Variants in IMMP2L observed in about 807,000 individuals in gnomAD.
IMMP2L encodes inner mitochondrial membrane peptidase subunit 2.
A neutral mutation model predicts 19.3 loss-of-function variants in IMMP2L; 18 were observed. That is an observed-to-expected ratio of 0.93 (90% confidence interval 0.64 to 1.38). IMMP2L has a LOEUF of 1.38. Among genes scored for constraint, IMMP2L ranks in the 40% most tolerant of loss-of-function variants. The pLI is 0.00. For synonymous variants in IMMP2L, 76 were observed against 73.0 expected, an observed-to-expected ratio of 1.04 and a Z score of -0.21; for missense variants, 233 against 218.2, an observed-to-expected ratio of 1.07 and a Z score of -0.43.
intron 5 of IMMP2L, among the ~76,000 whole-genome samples, chr7:110,785,774 C>T (rs1234545704): frequency 6.6e-6 from 1 of 151,906 alleles, no homozygotes; most frequent in Non-Finnish European, 1.5e-5. Context: ...ATAATTATTA[C>T]AAGTAAAAAC....
At chr7:110,800,685 TCA>T (rs1801176942) in intron 5 of IMMP2L, among the ~76,000 whole-genome samples, 1 of 152,112 alleles carries the variant, frequency 6.6e-6, no homozygotes, top group Non-Finnish European at 1.5e-5. Flanking sequence ...AAATATATTA[TCA>T]CAGCATTTTT....
At chr7:110,671,909 C>G (rs1430823310) in intron 5 of IMMP2L, among the ~76,000 whole-genome samples, 1 of 152,046 alleles carries the variant, frequency 6.6e-6, no homozygotes, top group Non-Finnish European at 1.5e-5. Context: ...GGCACTTCTA[C>G]CATGTGAGGG....
intron 3 of IMMP2L, among the ~76,000 whole-genome samples, chr7:111,282,338 C>A (rs1013450704): frequency 6.6e-6 from 1 of 152,120 alleles, no homozygotes. Context: ...AATGGAAATT[C>A]GGTAAGAAAG....
intron 1 of IMMP2L, among the ~76,000 whole-genome samples, chr7:111,532,774 C>CA (rs1266200036): frequency 6.6e-6 from 1 of 152,086 alleles, no homozygotes; most frequent in Non-Finnish European, 1.5e-5. Flanking sequence ...ATTAGTCTGT[C>CA]AAAAATAAAA....
chr7:111,461,410 G>A (rs948160936), intron 3 of IMMP2L, among the ~76,000 whole-genome samples: 4 of 151,294 alleles, frequency 2.6e-5, no homozygotes, highest in African/African-American at 9.7e-5. Context: ...ACACATACAC[G>A]CACACGCACA....
At chr7:110,866,248 T>C (rs1191302487) in intron 5 of IMMP2L, among the ~76,000 whole-genome samples, 1 of 151,936 alleles carries the variant, frequency 6.6e-6, no homozygotes, top group Non-Finnish European at 1.5e-5. Flanking sequence ...ACTACCAATT[T>C]CAGCACGAAG....
chr7:110,849,962 TA>T (rs1321399620), intron 5 of IMMP2L, among the ~76,000 whole-genome samples: 2 of 152,084 alleles, frequency 1.3e-5, no homozygotes, highest in African/African-American at 4.8e-5. Flanking sequence ...AGAATGTTCA[TA>T]ATATAATATT....
intron 3 of IMMP2L, among the ~76,000 whole-genome samples, chr7:111,450,330 C>A (rs977133949): frequency 4.8e-4 from 73 of 151,952 alleles, no homozygotes; most frequent in Admixed American, 3.2e-3. Context: ...GCTACAGTAA[C>A]CAAAACAGCA....
chr7:111,360,853 C>T (rs944103539), intron 3 of IMMP2L, among the ~76,000 whole-genome samples: 1 of 151,776 alleles, frequency 6.6e-6, no homozygotes, highest in Non-Finnish European at 1.5e-5. Context: ...TAAAATAGTG[C>T]CCTCTTCTCA....
chr7:111,392,092 A>C, intron 3 of IMMP2L: 6 of 653,046 alleles, frequency 9.2e-6, no homozygotes, highest in East Asian at 8.2e-5. Context: ...TGCAAACTAT[A>C]TTTTCTCTTT....
chr7:111,382,204 T>C (rs1200021598), intron 3 of IMMP2L, among the ~76,000 whole-genome samples: 1 of 151,854 alleles, frequency 6.6e-6, no homozygotes, highest in Non-Finnish European at 1.5e-5. Context: ...CACTAACAAA[T>C]AGCCATGTAT....
rs536867048 is a variant in IMMP2L, at chr7:110,663,625, G to T, written c.505C>A (p.Pro169Thr). 1.0e-4 allele frequency: 167 copies of T among 1,613,104 alleles called. 2 individuals are homozygous for T. In the South Asian group the frequency reaches 1.7e-3, roughly 16 times the overall value. Residue 169 changes from proline to threonine, a missense_variant, in exon 6 of 6, where the codon CCA (proline) becomes ACA (threonine). Pro to Thr is a conservative substitution (Grantham distance 38). Coordinates refer to ENST00000405709, the MANE Select transcript of IMMP2L (RefSeq NM_032549.4). ...LESVLPPERL[P>T]VQREEE is the part of the protein sequence containing the mutation. ...AGTCATTCCTCTTCTCTCTGTACTG[G>T]TAAGCGCTCTGGAGGAAGAACAGAT...
chr7:110,858,760 G>C (rs1005771412), intron 5 of IMMP2L, among the ~76,000 whole-genome samples: 5 of 147,078 alleles, frequency 3.4e-5, no homozygotes, highest in Non-Finnish European at 3.0e-5. Flanking sequence ...CTCCTCCCCC[G>C]ACCCCACAAC....
chr7:111,424,215 A>C (rs536995104), intron 3 of IMMP2L, among the ~76,000 whole-genome samples: 1 of 151,900 alleles, frequency 6.6e-6, no homozygotes, highest in Non-Finnish European at 1.5e-5. Flanking sequence ...GGTACTTTCT[A>C]CTCATCACAG....
chr7:111,255,524 G>A (rs1328371925), intron 3 of IMMP2L, among the ~76,000 whole-genome samples: 2 of 152,094 alleles, frequency 1.3e-5, no homozygotes, highest in East Asian at 1.9e-4. Flanking sequence ...ACTATAATAA[G>A]AGAATGAATT....
chr7:110,665,884 A>T (rs990769500), intron 5 of IMMP2L, among the ~76,000 whole-genome samples: 1 of 152,208 alleles, frequency 6.6e-6, no homozygotes, highest in African/African-American at 2.4e-5. Flanking sequence ...GTTAACATTC[A>T]TTGATGATCC....
At chr7:111,501,878 G>A (rs1844302240) in intron 2 of IMMP2L, among the ~76,000 whole-genome samples, 1 of 152,268 alleles carries the variant, frequency 6.6e-6, no homozygotes, top group East Asian at 1.9e-4. Context: ...ATGCCAAAAT[G>A]TAAAGACCAT....
In IMMP2L at chr7:111,229,003, GTGTA is replaced by G. The variant is rs1813419740; in HGVS notation, c.239+258231_239+258234del. Among the ~76,000 whole-genome samples, 3 of 131,610 alleles carry G rather than the reference GTGTA, an allele frequency of 2.3e-5. No individual in the cohort carries two copies. The South Asian group carries it at 6.9e-4, about 30-fold the overall frequency. The allele number at this position is 131,610 out of a possible 152,430, so 86.3% of individuals were successfully genotyped here. On this transcript the variant is annotated intron_variant, in intron 3 of 5. Coordinates refer to ENST00000405709, the MANE Select transcript of IMMP2L (RefSeq NM_032549.4). The stretch of plus-strand genomic sequence containing the variant: ...TGTGTGTGTGTGTGTGTGTGTGTGT[GTGTA>G]TCAGCCCGAAACCTCAGAATTGCTA...
At chr7:110,918,807 C>T (rs1223164575) in intron 4 of IMMP2L, among the ~76,000 whole-genome samples, 1 of 152,004 alleles carries the variant, frequency 6.6e-6, no homozygotes, top group East Asian at 1.9e-4. Context: ...CTCTTCTTGT[C>T]ATTAAAAATA....
Sources: gnomAD v4.1 joint callset for allele counts (sites outside exome capture counted in the v4.1 genomes callset) on GRCh38, gnomAD v4.1.1 for gene constraint, MANE v1.5 for transcripts, NCBI Gene and HGNC (gene_info 2026-07-23, HGNC 2026-07-21) for gene names.